The following REST variants were observed in gnomAD, a reference collection of about 807,000 sequenced individuals.
REST encodes RE1-silencing transcription factor.
REST carries 1 observed loss-of-function variant against 30.4 expected under a neutral mutation model. The observed-to-expected ratio is 0.03, with a 90% confidence interval of 0.01 to 0.16. REST has a LOEUF of 0.16. Among genes scored for constraint, REST ranks in the 10% least tolerant of loss-of-function variants. REST has a pLI of 1.00. For synonymous variants in REST, 504 were observed against 451.1 expected, an observed-to-expected ratio of 1.12 and a Z score of -1.49; for missense variants, 1,259 against 1,329.5, an observed-to-expected ratio of 0.95 and a Z score of 0.82.
chr4:56,931,451 C>T lies in REST; in HGVS notation c.2593C>T (p.Pro865Ser). ...CACAGAGGATCTCTCACCACCATCACCACCACTGCCAAAGGAAAATTTAAG... is the reference window on the plus strand; with the variant it reads ...CACAGAGGATCTCTCACCACCATCATCACCACTGCCAAAGGAAAATTTAAG... ...VSTEDLSPPSPPLPKENLREE... is the reference protein window; with the variant it reads ...VSTEDLSPPSSPLPKENLREE... Residue 865 changes from proline to serine, a missense_variant, in exon 4 of 4, where the codon CCA becomes TCA. Coordinates refer to ENST00000309042, the MANE Select transcript of REST (RefSeq NM_005612.5). The T allele has an allele frequency of 1.9e-6, 3 of 1,614,184 alleles. No individual in the cohort carries two copies. The highest frequency in any genetic ancestry group is 1.1e-5 in the South Asian group (1 of 91,088).
chr4:56,932,604 A>T lies in REST; in HGVS notation c.*452A>T, dbSNP rs1721016293. 1 of 152,998 alleles carries T rather than the reference A, an allele frequency of 6.5e-6. No individual in the cohort carries two copies. Among genetic ancestry groups the T allele is most frequent in the Non-Finnish European group, 1.5e-5 (1 of 68,742 alleles). 9.5% of individuals were successfully genotyped at this position (152,998 alleles called of 1,614,324 possible). ...CACTTTAAGATTTTTTTTTTTAGAGATGAGAAGACATTTAAATTGAAGAAA... is the reference window on the plus strand; with the variant it reads ...CACTTTAAGATTTTTTTTTTTAGAGTTGAGAAGACATTTAAATTGAAGAAA... On this transcript the variant is annotated 3_prime_UTR_variant, in exon 4 of 4. Transcript: ENST00000309042.
chr4:56,915,402 C>T (rs557081075), intron 2 of REST, among the ~76,000 whole-genome samples: 6 of 151,606 alleles, frequency 4.0e-5, no homozygotes, highest in South Asian at 2.1e-4. Flanking sequence ...CGTGCCACCA[C>T]GCCCAGCTAA....
Position 56,911,554 on chromosome 4 carries a change from G to A in REST, c.898+18G>A. On this transcript the variant is annotated intron_variant, in intron 2 of 3. Coordinates refer to ENST00000309042, the MANE Select transcript of REST (RefSeq NM_005612.5). ...TCATACAGGTAAGAGAAGCTTTCTA[G>A]TCCATAAGTTCAGTTCTCTTTTCTG... 1 of 1,590,410 alleles carries A rather than the reference G, an allele frequency of 6.3e-7. No individual in the cohort carries two copies.
rs149108189 is a variant in REST at position 56,932,151 on chromosome 4, A to G, written c.3293A>G (p.Ter1098=). The change falls in exon 4 of 4, where the codon TAA becomes TGA. Residue 1098 remains the stop codon, a stop_retained_variant. Transcript: ENST00000309042. The part of the protein sequence containing the change: ...YLEEAAQGQE[*] ...GAAGAAGCAGCTCAAGGGCAGGAGT[A>G]ATGAAACTTTGAACAAGGTTTCAGT... is the stretch of plus-strand genomic sequence containing the variant. 1.7e-4 allele frequency: 268 copies of G among 1,593,020 alleles called. No individual in the cohort carries two copies. Among genetic ancestry groups the G allele is most frequent in the Non-Finnish European group, 2.1e-4 (249 of 1,169,308 alleles).
In REST at chr4:56,930,964, GCCTGCTCCCATGGAA is replaced by G; in HGVS notation, c.2114_2128del (p.Pro705_Ala709del). On this transcript the variant is annotated inframe_deletion, in exon 4 of 4. Coordinates refer to ENST00000309042, the MANE Select transcript of REST (RefSeq NM_005612.5). ...CTCAGACGGAGGTTGCCCAAATGGG[GCCTGCTCCCATGGAA>G]CCTGCTCAGATGGAGGTTGCCCAGG... is the stretch of plus-strand genomic sequence containing the variant. The G allele has an allele frequency of 6.2e-7, 1 of 1,614,002 alleles. No homozygotes were observed. The highest frequency in any genetic ancestry group is 8.5e-7 in the Non-Finnish European group (1 of 1,179,842).
chr4:56,933,021 A>T lies in REST; in HGVS notation c.*869A>T, dbSNP rs1236505142. ...GTGCAAGTTTGTGAGCAAATGAAAT[A>T]TGCAGGTTCAATCTATTGATTTTGA... On this transcript the variant is annotated 3_prime_UTR_variant, in exon 4 of 4. Transcript: ENST00000309042. 4 of 152,178 alleles carry T rather than the reference A, an allele frequency of 2.6e-5. No homozygotes were observed. The highest frequency in any genetic ancestry group is 7.2e-5 in the African/African-American group (3 of 41,442). The allele number at this position is 152,178 out of a possible 1,614,324, so 9.4% of individuals were successfully genotyped here.
At chr4:56,915,432 TAG>T (rs1434871308) in intron 2 of REST, among the ~76,000 whole-genome samples, 1 of 151,612 alleles carries the variant, frequency 6.6e-6, no homozygotes, top group Non-Finnish European at 1.5e-5. Flanking sequence ...AAATTTTTAG[TAG>T]AGACAGCGTT....
At chr4:56,921,369 T>C (rs770631335) in intron 3 of REST, among the ~76,000 whole-genome samples, 6 of 152,216 alleles carry the variant, frequency 3.9e-5, no homozygotes, top group Non-Finnish European at 8.8e-5. Context: ...TTGATACTTA[T>C]AAAATATGTA....
chr4:56,917,913 A>G (rs1349273768), intron 2 of REST, among the ~76,000 whole-genome samples: 1 of 151,952 alleles, frequency 6.6e-6, no homozygotes, highest in Non-Finnish European at 1.5e-5. Flanking sequence ...TTAGCCGGGC[A>G]TGGTGGCGGG....
intron 2 of REST, among the ~76,000 whole-genome samples, chr4:56,914,430 G>A (rs1012251388): frequency 6.6e-6 from 1 of 152,094 alleles, no homozygotes; most frequent in African/African-American, 2.4e-5. Flanking sequence ...AGAATTTGTA[G>A]TCCCTTTGGA....
Position 56,931,274 on chromosome 4 carries a change from C to T in REST, c.2416C>T (p.His806Tyr), listed in dbSNP as rs755818796. 1 of 1,614,228 alleles carries T rather than the reference C, an allele frequency of 6.2e-7. No individual in the cohort carries two copies. Among genetic ancestry groups the T allele is most frequent in the African/African-American group, 1.3e-5 (1 of 75,062 alleles). Residue 806 changes from histidine to tyrosine, a missense_variant, in exon 4 of 4, where the codon CAC becomes TAC. Around this residue, in one of 5 missense-constraint regions of REST, gnomAD observed 856 missense variants for 772.8 expected, o/e 1.11. Coordinates refer to ENST00000309042, the MANE Select transcript of REST (RefSeq NM_005612.5). ...ACCTCCTCCCAGAGAGCCTCCCCTT[C>T]ACATGGAGCCAATTTCCAAAAAGCC... is the stretch of plus-strand genomic sequence containing the variant. The part of the protein sequence containing the change: ...EPPPPREPPL[H>Y]MEPISKKPPL...
chr4:56,910,953 A>C lies in REST; in HGVS notation c.315A>C (p.Gly105=). The C allele has an allele frequency of 1.9e-6, 3 of 1,614,208 alleles. No homozygotes were observed. The highest frequency in any genetic ancestry group is 8.5e-7 in the Non-Finnish European group (1 of 1,180,046). ...ESADIKGEPH[G]LENMELRSLE... Reference sequence around the variant, plus strand: ...CTGATATAAAAGGTGAACCTCATGGACTGGAAAACATGGAACTGAGAAGTT... The same window carrying C: ...CTGATATAAAAGGTGAACCTCATGGCCTGGAAAACATGGAACTGAGAAGTT... The change falls in exon 2 of 4, where the codon GGA becomes GGC. Residue 105 remains glycine (G), a synonymous_variant. Transcript: ENST00000309042.
In REST at chr4:56,919,759, A is replaced by G. The variant is rs767180525; in HGVS notation, c.899-28A>G. On this transcript the variant is annotated intron_variant, in intron 2 of 3. Coordinates refer to ENST00000309042, the MANE Select transcript of REST (RefSeq NM_005612.5). Reference sequence around the variant, plus strand: ...TATTTGGCTATTTCGTGACATTTAAACACTCTTATATTATTGAAATTTTGC... The same window carrying G: ...TATTTGGCTATTTCGTGACATTTAAGCACTCTTATATTATTGAAATTTTGC... 4.4e-5 allele frequency: 62 copies of G among 1,399,298 alleles called. 1 individual carries two copies. The South Asian group carries it at 5.4e-4, about 12-fold the overall frequency. 86.7% of individuals were successfully genotyped at this position (1,399,298 alleles called of 1,614,324 possible). A position where few individuals can be genotyped will look rare whatever the true frequency, so the allele number is the denominator to read the frequency against.
intron 2 of REST, among the ~76,000 whole-genome samples, chr4:56,916,731 AC>A (rs1245619082): frequency 6.6e-6 from 1 of 152,268 alleles, no homozygotes; most frequent in Non-Finnish European, 1.5e-5. Flanking sequence ...TTATTGAGAT[AC>A]AGTTTACATA....
At chr4:56,910,231 G>C (rs976836945) in intron 1 of REST, among the ~76,000 whole-genome samples, 1 of 152,184 alleles carries the variant, frequency 6.6e-6, no homozygotes, top group African/African-American at 2.4e-5. Context: ...ACTGTTGAAG[G>C]GGGGAAAAGT....
intron 3 of REST, among the ~76,000 whole-genome samples, chr4:56,924,212 A>G (rs1720578009): frequency 6.6e-6 from 1 of 152,188 alleles, no homozygotes; most frequent in Admixed American, 6.5e-5. Flanking sequence ...ACTTTTAAAT[A>G]GCTGGGATTG....
chr4:56,932,185 T>A lies in REST; in HGVS notation c.*33T>A, dbSNP rs771157425. 1 of 1,561,954 alleles carries A rather than the reference T, an allele frequency of 6.4e-7. No homozygotes were observed. The highest frequency in any genetic ancestry group is 1.2e-5 in the South Asian group (1 of 81,870). On this transcript the variant is annotated 3_prime_UTR_variant, in exon 4 of 4. Transcript: ENST00000309042. ...TTGAACAAGGTTTCAGTTCTTAGTT[T>A]GTAAGGTATATTACATTTTATATTC...
intron 2 of REST, among the ~76,000 whole-genome samples, chr4:56,919,359 AT>A (rs1720345486): frequency 6.6e-6 from 1 of 152,128 alleles, no homozygotes; most frequent in African/African-American, 2.4e-5. Context: ...ATGGTAGTAG[AT>A]TCATCATTTA....
Position 56,931,712 on chromosome 4 carries a change from G to T in REST, c.2854G>T (p.Asp952Tyr), listed in dbSNP as rs765258656. Reference protein sequence around the residue: ...SIVCEMKMDTDQNTRENLTGI... With the variant: ...SIVCEMKMDTYQNTRENLTGI... Reference sequence around the variant, plus strand: ...AGTTTGTGAAATGAAAATGGACACTGATCAGAACACAAGAGAGAATCTCAC... The same window carrying T: ...AGTTTGTGAAATGAAAATGGACACTTATCAGAACACAAGAGAGAATCTCAC... The change falls in exon 4 of 4, where the codon GAT (aspartate) becomes TAT (tyrosine). Residue 952 changes from aspartate (D) to tyrosine (Y), a missense_variant. Asp to Tyr is a radical substitution (Grantham distance 160). Around this residue, in one of 5 missense-constraint regions of REST, gnomAD observed 856 missense variants for 772.8 expected, o/e 1.11. Transcript: ENST00000309042. 1 of 1,614,178 alleles carries T rather than the reference G, an allele frequency of 6.2e-7. No individual in the cohort carries two copies.
Sources: gnomAD v4.1 joint callset for allele counts (sites outside exome capture counted in the v4.1 genomes callset) on GRCh38, gnomAD v4.1.1 for gene constraint, gnomAD v4.1.1 regional missense constraint, MANE v1.5 for transcripts, NCBI Gene and HGNC (gene_info 2026-07-23, HGNC 2026-07-21) for gene names.